SOS1: variants seen among roughly 807,000 people sequenced by gnomAD.
SOS1 encodes the protein son of sevenless homolog 1.
SOS1 carries 25 observed loss-of-function variants against 157.6 expected under a neutral mutation model. The ratio of observed to expected loss-of-function variants is 0.16; its 90% CI spans 0.12 to 0.22. The LOEUF (loss-of-function observed/expected upper bound fraction) is 0.22. Ranked by LOEUF, SOS1 falls within the 10% of genes least tolerant of loss-of-function variation. The pLI is 1.00. For missense variants in SOS1, 1,237 were observed against 1,599.1 expected (o/e 0.77, Z 3.86); for synonymous variants, 528 against 534.0 (o/e 0.99, Z 0.16).
chr2:39,038,022 C>A (rs1344300503), intron 6 of SOS1, among the ~76,000 whole-genome samples: 1 of 152,164 alleles, frequency 6.6e-6, no homozygotes, highest in Non-Finnish European at 1.5e-5. Context: ...TCTCTTAACA[C>A]AACATCCATT....
intron 8 of SOS1, 45 bp downstream of exon 8, chr2:39,035,167 T>A (rs757865113): frequency 9.7e-6 from 13 of 1,340,340 alleles, no homozygotes; most frequent in Admixed American, 1.8e-5. Flanking sequence ...AAAAAAAAAA[T>A]TCACACTTGA....
chr2:39,065,062 T>C (rs1010980835), intron 2 of SOS1, among the ~76,000 whole-genome samples: 1 of 152,102 alleles, frequency 6.6e-6, no homozygotes, highest in African/African-American at 2.4e-5. Context: ...CCAGTCTCTA[T>C]ATACATTTTT....
At chr2:38,987,377 T>C in intron 22 of SOS1, 96 bp downstream of exon 22, 1 of 723,238 alleles carries the variant, frequency 1.4e-6, no homozygotes, top group Non-Finnish European at 2.5e-6. Flanking sequence ...TACTCTGAAA[T>C]GTTAACTTAT....
At chr2:39,058,066 G>A (rs1671272364) in intron 3 of SOS1, among the ~76,000 whole-genome samples, 2 of 151,968 alleles carry the variant, frequency 1.3e-5, no homozygotes, top group African/African-American at 4.8e-5. Flanking sequence ...AAAATTACTG[G>A]CATCTAAGTT....
At chr2:39,117,442 T>C (rs1005734021) in intron 1 of SOS1, among the ~76,000 whole-genome samples, 1 of 152,152 alleles carries the variant, frequency 6.6e-6, no homozygotes, top group East Asian at 1.9e-4. Context: ...GTGAAACAGA[T>C]ACAGTGGGAC....
rs1419416957 is a variant in SOS1, at chr2:39,060,977, T to C, written c.214-2173A>G. ...CCAGCGGTGGAATTACAGAGACTAA[T>C]TGTAGGCAGGGGTTGAGGTAGAAGA... On this transcript the variant is annotated intron_variant, in intron 2 of 22. Transcript: ENST00000402219. Among the ~76,000 whole-genome samples the C allele has an allele frequency of 6.0e-5, 9 of 150,160 alleles. No homozygotes were observed. The South Asian group carries it at 1.1e-3, about 18-fold the overall frequency.
At chr2:39,019,981 AATT>A (rs1314990862) in intron 10 of SOS1, among the ~76,000 whole-genome samples, 4 of 151,654 alleles carry the variant, frequency 2.6e-5, no homozygotes, top group Non-Finnish European at 5.9e-5. Flanking sequence ...CCTTTTACTT[AATT>A]ATTAACACAT....
rs146960320 is a variant in SOS1, at chr2:39,090,062, C to T, written c.88-22309G>A. Among the ~76,000 whole-genome samples, 368 of 150,534 alleles carry T rather than the reference C, an allele frequency of 2.4e-3. 2 individuals carry two copies. The highest frequency in any genetic ancestry group is 8.6e-3 in the African/African-American group (351 of 40,922). On this transcript the variant is annotated intron_variant, in intron 1 of 22. Transcript: ENST00000402219. ...GGCTGAGGCCAGAGAATCACTTAAG[C>T]CTGGGAGGCAGAGGTTGTGGTAAGC... is the stretch of plus-strand genomic sequence containing the variant.
chr2:39,064,742 ATTTTTTTTT>A (rs4015841), intron 2 of SOS1, among the ~76,000 whole-genome samples: 19 of 74,818 alleles, frequency 2.5e-4, no homozygotes, highest in South Asian at 1.7e-3. Flanking sequence ...TTTAAAATAC[ATTTTTTTTT>A]TTTTTTTTTT....
chr2:38,990,868 G>A (rs1668712104), intron 20 of SOS1, among the ~76,000 whole-genome samples: 1 of 152,084 alleles, frequency 6.6e-6, no homozygotes, highest in Admixed American at 6.6e-5. Flanking sequence ...AATTTTACAT[G>A]CACTAATCAA....
At chr2:39,097,558 T>TC (rs1491466609) in intron 1 of SOS1, among the ~76,000 whole-genome samples, 2 of 147,064 alleles carry the variant, frequency 1.4e-5, no homozygotes, top group East Asian at 3.9e-4. Flanking sequence ...CTCTTTTTTT[T>TC]CTTTTTTTTT....
At chr2:39,025,484 C>T (rs186972052) in intron 8 of SOS1, among the ~76,000 whole-genome samples, 14 of 151,310 alleles carry the variant, frequency 9.3e-5, no homozygotes, top group African/African-American at 3.4e-4. Flanking sequence ...CGAGTAGCTG[C>T]GATTACGGGT....
At chr2:38,989,969 AAATC>A (rs931215103) in intron 20 of SOS1, among the ~76,000 whole-genome samples, 6 of 152,092 alleles carry the variant, frequency 3.9e-5, no homozygotes, top group Non-Finnish European at 1.5e-5. Flanking sequence ...AAAAAACTGA[AAATC>A]AAAAGCGAAA....
intron 4 of SOS1, among the ~76,000 whole-genome samples, chr2:39,055,980 TTTGC>T (rs1363658230): frequency 7.2e-5 from 11 of 152,278 alleles, no homozygotes; most frequent in African/African-American, 2.4e-4. Flanking sequence ...TCAATAAGTG[TTTGC>T]TCTTATTATT....
At chr2:38,986,717 A>G (rs919155057) in intron 22 of SOS1, among the ~76,000 whole-genome samples, 5 of 152,026 alleles carry the variant, frequency 3.3e-5, no homozygotes, top group African/African-American at 1.2e-4. Flanking sequence ...GTCAATTCAT[A>G]GAAAAAAAAA....
intron 6 of SOS1, among the ~76,000 whole-genome samples, chr2:39,046,189 T>G (rs1428023265): frequency 6.6e-6 from 1 of 152,138 alleles, no homozygotes; most frequent in Admixed American, 6.5e-5. Flanking sequence ...ATTTAAAAAA[T>G]TACTATAGTT....
intron 6 of SOS1, among the ~76,000 whole-genome samples, chr2:39,044,248 T>TGG (rs1305237625): frequency 3.9e-5 from 6 of 152,118 alleles, no homozygotes; most frequent in Admixed American, 2.6e-4. Flanking sequence ...ACTACTGGGG[T>TGG]GGCTGAGGCA....
intron 1 of SOS1, among the ~76,000 whole-genome samples, chr2:39,106,590 C>CAAAAAAA (rs775720230): frequency 3.2e-3 from 101 of 31,220 alleles, no homozygotes; most frequent in African/African-American, 8.3e-3. Flanking sequence ...GACTCCGTCT[C>CAAAAAAA]AAAAAAAAAA....
At chr2:39,029,538 T>G (rs1223136536) in intron 8 of SOS1, among the ~76,000 whole-genome samples, 2 of 151,906 alleles carry the variant, frequency 1.3e-5, no homozygotes, top group African/African-American at 4.8e-5. Flanking sequence ...GTAGGTGGAT[T>G]AATTGAGCCT....
Sources: allele counts gnomAD v4.1 joint callset (sites outside exome capture counted in the v4.1 genomes callset), GRCh38; gene constraint gnomAD v4.1.1; transcripts MANE v1.5; gene names NCBI Gene and HGNC (gene_info 2026-07-23, HGNC 2026-07-21).